The following VPS8 variants were observed in gnomAD, a reference collection of about 807,000 sequenced individuals.
The protein encoded by VPS8 is vacuolar protein sorting-associated protein 8 homolog.
In VPS8, 129 loss-of-function variants were observed where a neutral mutation model predicts 216.4. That is an observed-to-expected ratio of 0.60 (90% CI 0.52 to 0.69). VPS8 has a LOEUF of 0.69. VPS8 is among the 30% of genes least tolerant of loss of function. The pLI, the probability that VPS8 is intolerant of heterozygous loss-of-function variation, is 0.00. For synonymous variants in VPS8, 571 were observed against 565.4 expected (o/e 1.01, Z -0.14); for missense variants, 1,531 against 1,683.5 (o/e 0.91, Z 1.59).
At chr3:184,826,955 A>G (rs13079793) in intron 3 of VPS8, among the ~76,000 whole-genome samples, 73,911 of 152,082 alleles carry the variant, frequency 0.49, 19,475 homozygotes, top group African/African-American at 0.68. Flanking sequence ...CCTGTTTTAT[A>G]TACCCTGCAT....
At chr3:184,824,355 C>G in intron 1 of VPS8, 190 bp from the exon 2 acceptor site, 1 of 288,174 alleles carries the variant, frequency 3.5e-6, no homozygotes, top group Non-Finnish European at 6.6e-6. Flanking sequence ...TTAGCTGTTC[C>G]TCCTTTATGC....
At chr3:184,822,586 T>C (rs1717840980) in intron 1 of VPS8, among the ~76,000 whole-genome samples, 1 of 152,234 alleles carries the variant, frequency 6.6e-6, no homozygotes, top group African/African-American at 2.4e-5. Context: ...TTGAAAAATG[T>C]GTAAGAATAA....
At chr3:184,951,638 G>T (rs1347347398) in intron 36 of VPS8, among the ~76,000 whole-genome samples, 1 of 152,136 alleles carries the variant, frequency 6.6e-6, no homozygotes, top group African/African-American at 2.4e-5. Context: ...TCTGTAGTAG[G>T]CAGGGTTTGT....
chr3:184,959,791 T>C (rs1234348784), intron 37 of VPS8, among the ~76,000 whole-genome samples: 3 of 152,132 alleles, frequency 2.0e-5, no homozygotes, highest in Admixed American at 1.3e-4. Context: ...TTTGTTGCAC[T>C]CTTTTTCTTT....
At chr3:185,019,961 G>A (rs923037425) in intron 45 of VPS8, among the ~76,000 whole-genome samples, 2 of 152,186 alleles carry the variant, frequency 1.3e-5, no homozygotes, top group East Asian at 3.8e-4. Context: ...TGGTTTCAGA[G>A]CTTTTTGGAT....
intron 5 of VPS8, among the ~76,000 whole-genome samples, chr3:184,835,419 CT>C: frequency 6.6e-6 from 1 of 151,976 alleles, no homozygotes; most frequent in Non-Finnish European, 1.5e-5. Context: ...TATCTGTGGC[CT>C]TTTTTGAAAA....
intron 38 of VPS8, among the ~76,000 whole-genome samples, chr3:184,965,813 A>G (rs966368921): frequency 1.3e-5 from 2 of 152,194 alleles, no homozygotes; most frequent in African/African-American, 4.8e-5. Context: ...GTATGAGTCT[A>G]TGAGAGCTTG....
At chr3:184,952,933 G>A (rs1386843104) in intron 36 of VPS8, among the ~76,000 whole-genome samples, 1 of 152,226 alleles carries the variant, frequency 6.6e-6, no homozygotes, top group East Asian at 1.9e-4. Context: ...TAAAGGCAAT[G>A]AAAGAATGAG....
intron 35 of VPS8, 108 bp downstream of exon 35, chr3:184,936,443 T>C (rs1741637882): frequency 7.5e-6 from 8 of 1,069,278 alleles, no homozygotes; most frequent in Non-Finnish European, 1.1e-5. Context: ...TGACATTTAT[T>C]AGCAGTTTCT....
intron 14 of VPS8, among the ~76,000 whole-genome samples, chr3:184,859,228 C>G (rs1445302950): frequency 6.6e-6 from 1 of 152,162 alleles, no homozygotes; most frequent in East Asian, 1.9e-4. Context: ...AACATCATCT[C>G]CTTCCTTCTT....
chr3:185,005,577 G>A (rs1461052814), intron 45 of VPS8, among the ~76,000 whole-genome samples: 2 of 151,984 alleles, frequency 1.3e-5, no homozygotes, highest in Non-Finnish European at 2.9e-5. Context: ...TTTCCTTGTA[G>A]AGGTCTTTCA....
At chr3:184,816,589 TA>T (rs1716373473) in intron 1 of VPS8, among the ~76,000 whole-genome samples, 1 of 152,112 alleles carries the variant, frequency 6.6e-6, no homozygotes, top group African/African-American at 2.4e-5. Flanking sequence ...TCCCAGTATA[TA>T]GTAATGTTTC....
At position 184,866,480 on chromosome 3, in the gene VPS8, A is replaced by T. The variant is rs574380094; in HGVS notation, c.1396-396A>T. 7.9e-5 allele frequency among the ~76,000 whole-genome samples: 12 copies of T among 152,336 alleles called. No individual in the cohort carries two copies. In the South Asian group the frequency reaches 2.5e-3, roughly 32 times the overall value. On this transcript the variant is annotated intron_variant, in intron 16 of 47. Transcript: ENST00000625842. ...TCAAAATGGATTTTGATAATGGCTG[A>T]ACAACTGTACATTTACTAAAAAATC...
chr3:184,937,016 C>T (rs957992123), intron 35 of VPS8, among the ~76,000 whole-genome samples: 4 of 152,118 alleles, frequency 2.6e-5, no homozygotes, highest in Admixed American at 6.5e-5. Flanking sequence ...GGATTACAGG[C>T]GTGAGCCACC....
chr3:184,846,553 G>T (rs1723169203), intron 8 of VPS8, among the ~76,000 whole-genome samples: 1 of 152,238 alleles, frequency 6.6e-6, no homozygotes, highest in Non-Finnish European at 1.5e-5. Flanking sequence ...AAATTAGAAA[G>T]TAGTAGTGAG....
chr3:184,903,755 G>C (rs1412008498), intron 25 of VPS8, among the ~76,000 whole-genome samples: 2 of 152,104 alleles, frequency 1.3e-5, no homozygotes, highest in East Asian at 3.8e-4. Context: ...GCTTATTTTG[G>C]TCTTAAAGTC....
At chr3:185,043,298 T>C (rs192433011) in intron 46 of VPS8, among the ~76,000 whole-genome samples, 3 of 152,308 alleles carry the variant, frequency 2.0e-5, no homozygotes, top group Admixed American at 1.3e-4. Flanking sequence ...AAATAATTTC[T>C]CCTTCATTGG....
intron 36 of VPS8, among the ~76,000 whole-genome samples, chr3:184,941,906 TA>T (rs1272299685): frequency 1.0e-3 from 154 of 147,058 alleles, no homozygotes; most frequent in South Asian, 3.7e-3. Flanking sequence ...TTTTTTTATT[TA>T]AAAAAAAAAA....
At chr3:185,019,129 C>A (rs1339425483) in intron 45 of VPS8, among the ~76,000 whole-genome samples, 2 of 152,188 alleles carry the variant, frequency 1.3e-5, no homozygotes, top group Non-Finnish European at 2.9e-5. Context: ...CCAGAGCCCA[C>A]ACTTGTCCCA....
Sources: allele counts gnomAD v4.1 joint callset (sites outside exome capture counted in the v4.1 genomes callset), GRCh38; gene constraint gnomAD v4.1.1; transcripts MANE v1.5; gene names NCBI Gene and HGNC (gene_info 2026-07-23, HGNC 2026-07-21).